MBOAT1: variants seen among roughly 807,000 people sequenced by gnomAD.
MBOAT1 encodes membrane-bound glycerophospholipid O-acyltransferase 1.
In MBOAT1, 67 loss-of-function variants were observed where a neutral mutation model predicts 64.4. The ratio of observed to expected loss-of-function variants is 1.04; its 90% confidence interval spans 0.85 to 1.27. MBOAT1 has a LOEUF of 1.27. Ranked by LOEUF, MBOAT1 falls within the 50% of genes most tolerant of loss-of-function variation. MBOAT1 has a pLI of 0.00. For missense variants in MBOAT1, 563 were observed against 604.6 expected, an observed-to-expected ratio of 0.93 and a Z score of 0.72; for synonymous variants, 229 against 218.9, an observed-to-expected ratio of 1.05 and a Z score of -0.41.
intron 9 of MBOAT1, among the ~76,000 whole-genome samples, chr6:20,115,566 AT>A (rs970073070): frequency 6.6e-6 from 1 of 152,002 alleles, no homozygotes; most frequent in Non-Finnish European, 1.5e-5. Flanking sequence ...CGAAGTCTCA[AT>A]TTTTTTTCAA....
chr6:20,113,754 A>G (rs1760242236), intron 10 of MBOAT1, among the ~76,000 whole-genome samples: 1 of 152,042 alleles, frequency 6.6e-6, no homozygotes, highest in African/African-American at 2.4e-5. Flanking sequence ...ACGGCACTCT[A>G]AGGAAGCCAC....
intron 11 of MBOAT1, among the ~76,000 whole-genome samples, chr6:20,110,041 C>T (rs1400130346): frequency 6.6e-6 from 1 of 151,066 alleles, no homozygotes; most frequent in Non-Finnish European, 1.5e-5. Context: ...TCCCAAGTAG[C>T]TGGGATTACA....
intron 1 of MBOAT1, among the ~76,000 whole-genome samples, chr6:20,205,230 GAAGAA>G (rs1763229109): frequency 6.6e-6 from 1 of 151,880 alleles, no homozygotes; most frequent in Admixed American, 6.6e-5. Flanking sequence ...AAGGAGGAAA[GAAGAA>G]AAGAAAGAAG....
At chr6:20,128,621 T>C (rs77837628) in intron 6 of MBOAT1, 78 bp downstream of exon 6, 77,230 of 983,412 alleles carry the variant, frequency 0.079, 3,537 homozygotes, top group South Asian at 0.14. Context: ...AATTAATGTG[T>C]AGATATTTTT....
intron 1 of MBOAT1, among the ~76,000 whole-genome samples, chr6:20,200,450 T>G (rs1285694548): frequency 6.6e-6 from 1 of 152,156 alleles, no homozygotes; most frequent in African/African-American, 2.4e-5. Flanking sequence ...AGAGTACTGT[T>G]TCCAGGAGAT....
intron 4 of MBOAT1, among the ~76,000 whole-genome samples, chr6:20,136,934 T>C (rs532586846): frequency 2.0e-5 from 3 of 152,364 alleles, no homozygotes; most frequent in South Asian, 2.1e-4. Context: ...ATTTGTCTTA[T>C]GGTTTTTATA....
At chr6:20,159,864 C>T (rs960220934) in intron 1 of MBOAT1, among the ~76,000 whole-genome samples, 2 of 152,160 alleles carry the variant, frequency 1.3e-5, no homozygotes, top group Non-Finnish European at 2.9e-5. Context: ...GGAATATATA[C>T]AAAGTTTACT....
At chr6:20,128,811 T>G (rs1199526661) in intron 5 of MBOAT1, 58 bp from the exon 6 acceptor site, 14 of 1,207,346 alleles carry the variant, frequency 1.2e-5, no homozygotes, top group Non-Finnish European at 1.7e-5. Context: ...GATGACAAAT[T>G]ATAAAAGGGT....
chr6:20,111,201 C>T (rs1760128191), intron 11 of MBOAT1, among the ~76,000 whole-genome samples: 1 of 152,150 alleles, frequency 6.6e-6, no homozygotes, highest in Non-Finnish European at 1.5e-5. Context: ...TCTAGAGAGA[C>T]CCTCAGTTTC....
intron 1 of MBOAT1, among the ~76,000 whole-genome samples, chr6:20,205,121 C>G (rs1355271493): frequency 6.6e-6 from 1 of 152,016 alleles, no homozygotes; most frequent in African/African-American, 2.4e-5. Flanking sequence ...ATTGCTTGAG[C>G]TCAAGAGTTT....
intron 6 of MBOAT1, among the ~76,000 whole-genome samples, chr6:20,127,648 T>C (rs1200295568): frequency 1.3e-5 from 2 of 152,186 alleles, no homozygotes; most frequent in Non-Finnish European, 2.9e-5. Flanking sequence ...TAATGACTGA[T>C]GATCTGTCAC....
At chr6:20,123,960 G>A (rs1760573580) in intron 8 of MBOAT1, among the ~76,000 whole-genome samples, 1 of 152,192 alleles carries the variant, frequency 6.6e-6, no homozygotes, top group Non-Finnish European at 1.5e-5. Context: ...GGGAGGCTGA[G>A]GCAGGAGAAT....
At chr6:20,166,195 T>C (rs1325560906) in intron 1 of MBOAT1, among the ~76,000 whole-genome samples, 3 of 152,226 alleles carry the variant, frequency 2.0e-5, no homozygotes, top group African/African-American at 7.2e-5. Flanking sequence ...TAACTTGTTT[T>C]TCATTCAACA....
At chr6:20,168,635 A>AGAGGAGAGGAGAG (rs1762095820) in intron 1 of MBOAT1, among the ~76,000 whole-genome samples, 8 of 52,370 alleles carry the variant, frequency 1.5e-4, no homozygotes, top group African/African-American at 3.0e-4. Context: ...AGAGAAGAGA[A>AGAGGAGAGGAGAG]GAGAAGAGAG....
intron 11 of MBOAT1, among the ~76,000 whole-genome samples, chr6:20,111,849 T>TATATATACATATATATACATATATATAC (rs1361087679): frequency 2.5e-5 from 2 of 80,232 alleles, no homozygotes; most frequent in Admixed American, 2.7e-4. Context: ...TATATATACA[T>TATATATACATATATATACATATATATAC]ATATATATAC....
In MBOAT1 at chr6:20,102,195, G is replaced by A. The variant is rs1456200514; in HGVS notation, c.*91C>T. The A allele has an allele frequency of 1.1e-5, 13 of 1,182,596 alleles. No individual in the cohort carries two copies. The highest frequency in any genetic ancestry group is 2.6e-5 in the Admixed American group (1 of 38,502). 73.3% of individuals were successfully genotyped at this position (1,182,596 alleles called of 1,614,324 possible). A position where few individuals can be genotyped will look rare whatever the true frequency, so the allele number is the denominator to read the frequency against. ...CAAAATAAAGATGCATGTAAACATC[G>A]CCTCTAAGCCACCGGAGGAGCCCTT... On this transcript the variant is annotated 3_prime_UTR_variant, in exon 13 of 13. Transcript: ENST00000324607.
chr6:20,168,666 A>G (rs1165756021), intron 1 of MBOAT1, among the ~76,000 whole-genome samples: 5 of 117,930 alleles, frequency 4.2e-5, no homozygotes, highest in South Asian at 2.7e-4. Context: ...GGAAAGAGAG[A>G]AAGAGAGAGA....
At chr6:20,119,602 G>T (rs2113642417) in intron 8 of MBOAT1, among the ~76,000 whole-genome samples, 1 of 152,270 alleles carries the variant, frequency 6.6e-6, no homozygotes, top group South Asian at 2.1e-4. Context: ...CAGAGATGAT[G>T]ATTTAACACT....
rs572415132 is a variant in MBOAT1, at chr6:20,167,062, G to A, written c.100-14293C>T. ...TGAAGATAATGATTTGATCTCCCCC[G>A]TCTGTCTCTTGGATCTTATTTCCAA... is the stretch of plus-strand genomic sequence containing the variant. On this transcript the variant is annotated intron_variant, in intron 1 of 12. Coordinates refer to ENST00000324607, the MANE Select transcript of MBOAT1 (RefSeq NM_001080480.3). 8.1e-4 allele frequency among the ~76,000 whole-genome samples: 123 copies of A among 152,270 alleles called. No individual in the cohort carries two copies. In the Middle Eastern group the frequency reaches 0.02, roughly 25 times the overall value.
Sources: gnomAD v4.1 joint callset for allele counts (sites outside exome capture counted in the v4.1 genomes callset) on GRCh38, gnomAD v4.1.1 for gene constraint, MANE v1.5 for transcripts, NCBI Gene and HGNC (gene_info 2026-07-23, HGNC 2026-07-21) for gene names.